The following TAMM41 variants were observed in gnomAD, a reference collection of about 807,000 sequenced individuals.
TAMM41 encodes phosphatidate cytidylyltransferase, mitochondrial.
Under a neutral mutation model 44.1 loss-of-function variants are expected in TAMM41, and 36 were observed. The observed-to-expected ratio is 0.82, with a 90% CI of 0.63 to 1.08. TAMM41 has a LOEUF of 1.08. Ranked by LOEUF, TAMM41 falls within the 50% of genes least tolerant of loss-of-function variation. TAMM41 has a pLI of 0.00. For missense variants in TAMM41, 417 were observed against 404.3 expected, an observed-to-expected ratio of 1.03 and a Z score of -0.27; for synonymous variants, 164 against 153.1, an observed-to-expected ratio of 1.07 and a Z score of -0.53.
chr3:11,833,768 T>C (rs1295344782), intron 3 of TAMM41, among the ~76,000 whole-genome samples: 1 of 152,168 alleles, frequency 6.6e-6, no homozygotes, highest in Non-Finnish European at 1.5e-5. Context: ...TAAGCCAGGT[T>C]TTCCAACTCC....
At chr3:11,724,552 G>A in the TAMM41 span, among the ~76,000 whole-genome samples, 1 of 151,984 alleles carries the variant, frequency 6.6e-6, no homozygotes, top group African/African-American at 2.4e-5. Context: ...AGTAGCTAAG[G>A]TAGCAGGCGC....
chr3:11,790,344 A>C, downstream of TAMM41: 1 of 701,386 alleles, frequency 1.4e-6, no homozygotes, highest in Non-Finnish European at 2.5e-6. Context: ...TTTGGGTCCC[A>C]ACTGGATAAA....
chr3:11,757,416 C>T, the TAMM41 span, among the ~76,000 whole-genome samples: 86 of 152,194 alleles, frequency 5.7e-4, no homozygotes, highest in African/African-American at 1.7e-3. Context: ...AGCAGGGTAG[C>T]GTCCAAGAAT....
chr3:11,807,405 G>T, intron 7 of TAMM41: 1 of 1,527,918 alleles, frequency 6.5e-7, no homozygotes, highest in South Asian at 1.2e-5. Flanking sequence ...AAGGAGCAAC[G>T]AAAACTTACC....
At chr3:11,776,533 C>T in the TAMM41 span, among the ~76,000 whole-genome samples, 2 of 152,166 alleles carry the variant, frequency 1.3e-5, no homozygotes, top group African/African-American at 2.4e-5. Context: ...GTATTCAGCA[C>T]AGTAACCTGC....
the TAMM41 span, among the ~76,000 whole-genome samples, chr3:11,732,166 C>G: frequency 6.6e-6 from 1 of 152,074 alleles, no homozygotes; most frequent in Non-Finnish European, 1.5e-5. Flanking sequence ...CACACTTGGC[C>G]CATTAGGGCA....
intron 5 of TAMM41, among the ~76,000 whole-genome samples, chr3:11,813,910 GTGTATATA>G (rs541045304): frequency 7.5e-5 from 11 of 147,032 alleles, no homozygotes; most frequent in Non-Finnish European, 1.2e-4. Flanking sequence ...GTATATATGT[GTGTATATA>G]TGTATATATG....
chr3:11,791,160 G>A (rs2077469436), intron 7 of TAMM41, among the ~76,000 whole-genome samples: 1 of 152,188 alleles, frequency 6.6e-6, no homozygotes, highest in Non-Finnish European at 1.5e-5. Context: ...CCACGCCTCT[G>A]CCTGGACTGG....
the TAMM41 span, among the ~76,000 whole-genome samples, chr3:11,724,174 G>T: frequency 6.6e-6 from 1 of 151,648 alleles, no homozygotes; most frequent in Non-Finnish European, 1.5e-5. Context: ...CATGATCTCG[G>T]CTCACTGCAA....
chr3:11,814,614 C>T (rs2078214502), intron 5 of TAMM41, among the ~76,000 whole-genome samples: 1 of 152,138 alleles, frequency 6.6e-6, no homozygotes, highest in South Asian at 2.1e-4. Flanking sequence ...GAAATAATTA[C>T]AGAAATAATA....
At chr3:11,824,870 G>T (rs551863904) in intron 4 of TAMM41, among the ~76,000 whole-genome samples, 4 of 152,222 alleles carry the variant, frequency 2.6e-5, no homozygotes, top group South Asian at 2.1e-4. Context: ...AGTGCTATGG[G>T]GAAAACACAA....
intron 7 of TAMM41, among the ~76,000 whole-genome samples, chr3:11,797,352 A>C (rs2077630376): frequency 6.6e-6 from 1 of 152,200 alleles, no homozygotes; most frequent in African/African-American, 2.4e-5. Context: ...GCACACCTAC[A>C]ACTATCTGAT....
At chr3:11,767,037 A>G in the TAMM41 span, among the ~76,000 whole-genome samples, 11 of 152,148 alleles carry the variant, frequency 7.2e-5, no homozygotes, top group African/African-American at 1.2e-4. Context: ...GGATATTGAT[A>G]GATTCACTGA....
chr3:11,794,771 C>G (rs2077565995), intron 7 of TAMM41, among the ~76,000 whole-genome samples: 1 of 152,160 alleles, frequency 6.6e-6, no homozygotes, highest in South Asian at 2.1e-4. Context: ...CAGACAAACT[C>G]TCCAGGAAAC....
At chr3:11,835,473 T>A (rs944723667) in intron 3 of TAMM41, among the ~76,000 whole-genome samples, 1 of 152,216 alleles carries the variant, frequency 6.6e-6, no homozygotes, top group Admixed American at 6.5e-5. Context: ...CTTCTCCAAG[T>A]CAGCTGAGAA....
intron 3 of TAMM41, among the ~76,000 whole-genome samples, chr3:11,835,840 G>A (rs1235523894): frequency 6.6e-6 from 1 of 152,120 alleles, no homozygotes; most frequent in Non-Finnish European, 1.5e-5. Context: ...ATCTACAGAT[G>A]AAAACACCCC....
At chr3:11,769,805 C>A in the TAMM41 span, among the ~76,000 whole-genome samples, 1 of 152,226 alleles carries the variant, frequency 6.6e-6, no homozygotes, top group East Asian at 1.9e-4. Context: ...GAGTCAGGTC[C>A]TCTACCTCGG....
At position 11,833,747 on chromosome 3, in the gene TAMM41, G is replaced by C. The variant is rs2079072453; in HGVS notation, c.412-3883C>G. ...AAACATTTGCTTATAGTAGGGCAGA[G>C]CCAAAACTAGTAAGCCAGGTTTTCC... On this transcript the variant is annotated intron_variant, in intron 3 of 7. Coordinates refer to ENST00000455809, the MANE Select transcript of TAMM41 (RefSeq NM_001284401.2). Among the ~76,000 whole-genome samples, 4 of 152,302 alleles carry C rather than the reference G, an allele frequency of 2.6e-5. No individual in the cohort carries two copies. In the South Asian group the frequency reaches 8.3e-4, roughly 32 times the overall value.
chr3:11,775,948 G>A, the TAMM41 span, among the ~76,000 whole-genome samples: 7 of 151,508 alleles, frequency 4.6e-5, no homozygotes, highest in African/African-American at 4.8e-5. Context: ...TCTTCCAGCT[G>A]TTTGCAAATG....
Sources: allele counts gnomAD v4.1 joint callset (sites outside exome capture counted in the v4.1 genomes callset), GRCh38; gene constraint gnomAD v4.1.1; transcripts MANE v1.5; gene names NCBI Gene and HGNC (gene_info 2026-07-23, HGNC 2026-07-21).